CDH18: variants seen among roughly 807,000 people sequenced by gnomAD.
The protein encoded by CDH18 is cadherin 18.
CDH18 carries 31 observed loss-of-function variants against 67.9 expected under a neutral mutation model. The observed-to-expected ratio is 0.46, with a 90% confidence interval of 0.34 to 0.62. The LOEUF is 0.62. Among genes scored for constraint, CDH18 ranks in the 20% least tolerant of loss-of-function variants. The pLI is 0.01. For synonymous variants in CDH18, 362 were observed against 347.2 expected, an observed-to-expected ratio of 1.04 and a Z score of -0.48; for missense variants, 890 against 975.5, an observed-to-expected ratio of 0.91 and a Z score of 1.17.
intron 2 of CDH18, among the ~76,000 whole-genome samples, chr5:20,011,940 A>G (rs1232337210): frequency 2.0e-5 from 3 of 152,120 alleles, no homozygotes; most frequent in African/African-American, 7.2e-5. Flanking sequence ...TATCAGAATA[A>G]TACTGGGCTC....
chr5:20,138,624 T>A (rs1749954271), intron 2 of CDH18, among the ~76,000 whole-genome samples: 1 of 152,176 alleles, frequency 6.6e-6, no homozygotes, highest in African/African-American at 2.4e-5. Flanking sequence ...AGTCTCAGGA[T>A]ACAAAATCAA....
chr5:20,218,623 C>T (rs1047461462), intron 2 of CDH18, among the ~76,000 whole-genome samples: 2 of 151,936 alleles, frequency 1.3e-5, no homozygotes, highest in African/African-American at 4.8e-5. Context: ...TAATTTGAAT[C>T]ATGGGGGCAG....
intron 2 of CDH18, among the ~76,000 whole-genome samples, chr5:20,079,727 T>A (rs1419760470): frequency 6.6e-6 from 1 of 152,126 alleles, no homozygotes; most frequent in African/African-American, 2.4e-5. Flanking sequence ...ACTATCTCAG[T>A]CAGTTTGGAC....
In CDH18 at chr5:20,137,962, T is replaced by G. The variant is rs545974040; in HGVS notation, c.-518+117482A>C. Among the ~76,000 whole-genome samples the G allele has an allele frequency of 2.2e-3, 342 of 152,248 alleles. 1 individual carries two copies. Among genetic ancestry groups the G allele is most frequent in the African/African-American group, 7.7e-3 (320 of 41,540 alleles). ...AGAGGGAATCCTCCCTAACTCATTT[T>G]ATGAGGCCAGCATCATCCTGATACC... On this transcript the variant is annotated intron_variant, in intron 2 of 14. Transcript: ENST00000507958.
intron 2 of CDH18, among the ~76,000 whole-genome samples, chr5:19,968,043 A>G (rs1797637265): frequency 6.6e-6 from 1 of 150,664 alleles, no homozygotes; most frequent in African/African-American, 2.5e-5. Context: ...CTTATACACC[A>G]ATAACAGACA....
At chr5:20,008,323 T>C (rs1277716086) in intron 2 of CDH18, among the ~76,000 whole-genome samples, 1 of 152,130 alleles carries the variant, frequency 6.6e-6, no homozygotes, top group Admixed American at 6.6e-5. Context: ...TGCACTGAAT[T>C]TCTGAGAACA....
intron 2 of CDH18, among the ~76,000 whole-genome samples, chr5:19,872,145 C>T (rs1786384939): frequency 6.6e-6 from 1 of 152,062 alleles, no homozygotes; most frequent in Admixed American, 6.6e-5. Flanking sequence ...AGATAAAAGA[C>T]TATGTTACAT....
chr5:19,721,238 T>C, intron 5 of CDH18, 109 bp downstream of exon 5: 1 of 1,044,162 alleles, frequency 9.6e-7, no homozygotes. Context: ...GTTTAAAATA[T>C]GTTAAAATCA....
chr5:20,546,281 C>T (rs1489978290), intron 1 of CDH18, among the ~76,000 whole-genome samples: 1 of 152,118 alleles, frequency 6.6e-6, no homozygotes, highest in Non-Finnish European at 1.5e-5. Flanking sequence ...GCCTTCCAAA[C>T]TTTCAACTCT....
intron 2 of CDH18, among the ~76,000 whole-genome samples, chr5:20,086,955 T>G (rs1745008052): frequency 6.6e-6 from 1 of 152,210 alleles, no homozygotes; most frequent in Admixed American, 6.5e-5. Flanking sequence ...ATGCTATAGC[T>G]GCCATAAATA....
Position 19,654,152 on chromosome 5 carries a change from G to A in CDH18, c.644-41551C>T, listed in dbSNP as rs78017277. On this transcript the variant is annotated intron_variant, in intron 5 of 12. Transcript: ENST00000382275. Reference sequence around the variant, plus strand: ...TTTGAGGGAGAAGGATGGGACTCACGTACAGCCCTGTAACAGAGAATTTTA... The same window carrying A: ...TTTGAGGGAGAAGGATGGGACTCACATACAGCCCTGTAACAGAGAATTTTA... Among the ~76,000 whole-genome samples, 1,041 of 152,226 alleles carry A rather than the reference G, an allele frequency of 6.8e-3. 12 individuals are homozygous for A. Among genetic ancestry groups the A allele is most frequent in the African/African-American group, 0.024 (994 of 41,534 alleles).
intron 1 of CDH18, among the ~76,000 whole-genome samples, chr5:20,281,683 C>T (rs771153182): frequency 1.8e-4 from 28 of 152,176 alleles, no homozygotes; most frequent in Admixed American, 3.9e-4. Flanking sequence ...ATTGACTTGG[C>T]GATGCGGGCT....
intron 2 of CDH18, among the ~76,000 whole-genome samples, chr5:19,882,624 A>C (rs1435255999): frequency 6.6e-6 from 1 of 152,284 alleles, no homozygotes; most frequent in East Asian, 1.9e-4. Flanking sequence ...TTTTGTATCC[A>C]AACTCTCTGA....
rs562714099 is a variant in CDH18 at position 19,708,678 on chromosome 5, G to T, written c.643+12669C>A. Among the ~76,000 whole-genome samples the T allele has an allele frequency of 3.3e-5, 5 of 152,316 alleles. No individual in the cohort carries two copies. The East Asian group carries it at 9.7e-4, about 29-fold the overall frequency. On this transcript the variant is annotated intron_variant, in intron 5 of 12. Transcript: ENST00000382275. ...CCACAAACAATAGCATGAGCGATCT[G>T]TGCCTTAAGAACATGTTCCTGCTGC...
intron 2 of CDH18, among the ~76,000 whole-genome samples, chr5:20,055,729 T>A (rs540099540): frequency 6.6e-6 from 1 of 152,222 alleles, no homozygotes; most frequent in Non-Finnish European, 1.5e-5. Context: ...CTATGTGTAA[T>A]CATCCCTTAT....
intron 3 of CDH18, among the ~76,000 whole-genome samples, chr5:19,755,190 C>CA (rs1045997267): frequency 7.6e-5 from 11 of 144,788 alleles, no homozygotes; most frequent in African/African-American, 2.3e-4. Flanking sequence ...TAAAAACAAA[C>CA]AAAAAAAATA....
chr5:19,931,326 A>G (rs1160678407), intron 2 of CDH18, among the ~76,000 whole-genome samples: 2 of 151,860 alleles, frequency 1.3e-5, no homozygotes, highest in Non-Finnish European at 2.9e-5. Flanking sequence ...TCTACAGCTA[A>G]TTTTTTTCTG....
chr5:20,123,757 G>T (rs1169949580), intron 2 of CDH18, among the ~76,000 whole-genome samples: 1 of 151,844 alleles, frequency 6.6e-6, no homozygotes, highest in Admixed American at 6.6e-5. Context: ...GTGTGGTGGT[G>T]GGCACCTGTA....
chr5:19,499,823 A>G (rs1166111211), intron 11 of CDH18, among the ~76,000 whole-genome samples: 1 of 151,834 alleles, frequency 6.6e-6, no homozygotes, highest in Non-Finnish European at 1.5e-5. Context: ...TTTTTGAAAA[A>G]TCTGTTTCTG....
Sources: allele counts gnomAD v4.1 joint callset (sites outside exome capture counted in the v4.1 genomes callset), GRCh38; gene constraint gnomAD v4.1.1; transcripts MANE v1.5; gene names NCBI Gene and HGNC (gene_info 2026-07-23, HGNC 2026-07-21).